The following ZNF536 variants were observed in gnomAD, a reference collection of about 807,000 sequenced individuals.
The protein encoded by ZNF536 is zinc finger protein 536.
In ZNF536, 13 loss-of-function variants were observed where a neutral mutation model predicts 84.5. The ratio of observed to expected loss-of-function variants is 0.15; its 90% confidence interval spans 0.10 to 0.24. The LOEUF (loss-of-function observed/expected upper bound fraction) is 0.24, where lower values mean the gene tolerates loss of function less well. Ranked by LOEUF, ZNF536 falls within the 10% of genes least tolerant of loss-of-function variation. ZNF536 has a pLI of 1.00. For missense variants in ZNF536, 1,536 were observed against 1,747.5 expected, an observed-to-expected ratio of 0.88 and a Z score of 2.16; for synonymous variants, 811 against 742.5, an observed-to-expected ratio of 1.09 and a Z score of -1.50.
intron 2 of ZNF536, among the ~76,000 whole-genome samples, chr19:30,344,440 C>CAAAAAA (rs10628847): frequency 5.8e-5 from 4 of 69,170 alleles, no homozygotes; most frequent in Non-Finnish European, 7.9e-5. Context: ...AACTCCATCT[C>CAAAAAA]AAAAAAAAAA....
At chr19:30,620,089 C>A (rs920102120) in intron 1 of ZNF536, among the ~76,000 whole-genome samples, 5 of 145,690 alleles carry the variant, frequency 3.4e-5, no homozygotes, top group African/African-American at 5.1e-5. Flanking sequence ...ACCATAATAA[C>A]AAGAACACGT....
intron 1 of ZNF536, among the ~76,000 whole-genome samples, chr19:30,432,655 A>G (rs1220080609): frequency 6.6e-6 from 1 of 152,106 alleles, no homozygotes. Flanking sequence ...TCACCACAAG[A>G]GCTTTGACCT....
intron 2 of ZNF536, among the ~76,000 whole-genome samples, chr19:30,506,995 C>T (rs1449882568): frequency 6.6e-6 from 1 of 152,170 alleles, no homozygotes; most frequent in East Asian, 1.9e-4. Flanking sequence ...AAAGGGGGAT[C>T]GTAGTATACA....
intron 1 of ZNF536, among the ~76,000 whole-genome samples, chr19:30,595,554 CTGGGATTACAG>C (rs1477881668): frequency 1.3e-5 from 2 of 152,178 alleles, no homozygotes; most frequent in Admixed American, 1.3e-4. Flanking sequence ...TCCCAAAGCA[CTGGGATTACAG>C]TGGTGAGCCA....
intron 1 of ZNF536, among the ~76,000 whole-genome samples, chr19:30,378,440 T>C (rs535272151): frequency 6.6e-6 from 1 of 152,284 alleles, no homozygotes; most frequent in African/African-American, 2.4e-5. Flanking sequence ...GGATTACGGA[T>C]GTGAGCCACC....
At chr19:30,499,675 G>A (rs1043192387) in intron 2 of ZNF536, among the ~76,000 whole-genome samples, 1 of 152,196 alleles carries the variant, frequency 6.6e-6, no homozygotes, top group Non-Finnish European at 1.5e-5. Context: ...TTCAAAATAA[G>A]TTTCGTGTGA....
At chr19:30,547,479 C>T (rs1291307668) in intron 3 of ZNF536, among the ~76,000 whole-genome samples, 1 of 152,278 alleles carries the variant, frequency 6.6e-6, no homozygotes, top group East Asian at 1.9e-4. Flanking sequence ...TCATTTCAGT[C>T]TTGCGTAACA....
At chr19:30,482,173 A>G (rs2054117530) in intron 2 of ZNF536, among the ~76,000 whole-genome samples, 1 of 152,032 alleles carries the variant, frequency 6.6e-6, no homozygotes, top group Admixed American at 6.6e-5. Context: ...TCATGTAATG[A>G]CGTCTTTTCC....
chr19:30,441,120 CT>C (rs1156954093), intron 1 of ZNF536, among the ~76,000 whole-genome samples: 5 of 152,216 alleles, frequency 3.3e-5, no homozygotes, highest in African/African-American at 1.2e-4. Flanking sequence ...CACATTCAGC[CT>C]TCTTTCCCTC....
At chr19:30,607,117 C>T (rs567490617) in intron 1 of ZNF536, among the ~76,000 whole-genome samples, 5 of 152,176 alleles carry the variant, frequency 3.3e-5, no homozygotes, top group African/African-American at 7.2e-5. Context: ...CAAATGATCC[C>T]CTCACCTCCC....
intron 2 of ZNF536, among the ~76,000 whole-genome samples, chr19:30,495,814 A>C (rs2054696017): frequency 6.6e-6 from 1 of 152,200 alleles, no homozygotes; most frequent in African/African-American, 2.4e-5. Flanking sequence ...TCAGAGAAGA[A>C]AGACACAACG....
chr19:30,401,012 G>T (rs2050024569), intron 1 of ZNF536, among the ~76,000 whole-genome samples: 1 of 151,798 alleles, frequency 6.6e-6, no homozygotes. Context: ...ATTTACATTT[G>T]TAATCCATGT....
chr19:30,361,744 T>TA (rs1218404613), intron 3 of ZNF536, among the ~76,000 whole-genome samples: 6 of 140,406 alleles, frequency 4.3e-5, no homozygotes, highest in Middle Eastern at 4.2e-3. Context: ...AGCCTGGACG[T>TA]AAATTTCTTC....
At chr19:30,277,986 A>C (rs927028443) in intron 1 of ZNF536, among the ~76,000 whole-genome samples, 1 of 151,304 alleles carries the variant, frequency 6.6e-6, no homozygotes, top group Non-Finnish European at 1.5e-5. Context: ...TCCAACTCAC[A>C]CTCTCTCTGG....
intron 1 of ZNF536, among the ~76,000 whole-genome samples, chr19:30,430,564 A>G (rs1176744836): frequency 1.3e-5 from 2 of 152,218 alleles, no homozygotes; most frequent in Non-Finnish European, 2.9e-5. Context: ...GCTTCCTGGA[A>G]GAAGTGGTAT....
chr19:30,546,542 T>G (rs1224232841), intron 3 of ZNF536, among the ~76,000 whole-genome samples: 1 of 152,188 alleles, frequency 6.6e-6, no homozygotes, highest in Non-Finnish European at 1.5e-5. Context: ...GTGGCCCTCT[T>G]GCTCACAAAG....
intron 2 of ZNF536, among the ~76,000 whole-genome samples, chr19:30,501,075 G>T (rs1163735930): frequency 1.3e-5 from 2 of 151,978 alleles, no homozygotes; most frequent in Non-Finnish European, 2.9e-5. Flanking sequence ...CTACAAAGTG[G>T]GTATCAGGGG....
rs2148202638 is a variant in ZNF536, at chr19:30,444,891, A to C, written c.1329A>C (p.Lys443Asn). 6.2e-7 allele frequency: 1 copy of C among 1,611,606 alleles called. No individual in the cohort carries two copies. The highest frequency in any genetic ancestry group is 2.2e-5 in the East Asian group (1 of 44,850). ...CLQSGFMTPD[K>N]AGLSEPSQLY... ...AGAGTGGCTTCATGACCCCGGACAAAGCCGGCCTGAGCGAGCCCAGCCAGC... is the reference window on the plus strand; with the variant it reads ...AGAGTGGCTTCATGACCCCGGACAACGCCGGCCTGAGCGAGCCCAGCCAGC... Residue 443 changes from lysine (K) to asparagine (N), a missense_variant, in exon 2 of 5, where the codon AAA becomes AAC. Around this residue, in one of 8 missense-constraint regions of ZNF536, gnomAD observed 366 missense variants for 364.4 expected, o/e 1.00. Transcript: ENST00000355537.
chr19:30,259,105 T>G (rs2145219703), intron 1 of ZNF536, among the ~76,000 whole-genome samples: 1 of 152,286 alleles, frequency 6.6e-6, no homozygotes, highest in African/African-American at 2.4e-5. Flanking sequence ...AAGAGAAGCC[T>G]GTAGCAACTC....
Sources: allele counts gnomAD v4.1 joint callset (sites outside exome capture counted in the v4.1 genomes callset), GRCh38; gene constraint gnomAD v4.1.1; regional missense constraint gnomAD v4.1.1; transcripts MANE v1.5; gene names NCBI Gene and HGNC (gene_info 2026-07-23, HGNC 2026-07-21).